Variants in FBXO4 observed in about 807,000 individuals in gnomAD.
FBXO4 encodes F-box only protein 4.
A neutral mutation model predicts 43.7 loss-of-function variants in FBXO4; 36 were observed. The ratio of observed to expected loss-of-function variants is 0.82; its 90% CI spans 0.63 to 1.09. The LOEUF (loss-of-function observed/expected upper bound fraction) is 1.09, where lower values mean the gene tolerates loss of function less well. Ranked by LOEUF, FBXO4 falls within the 50% of genes least tolerant of loss-of-function variation. The pLI is 0.00. For synonymous variants in FBXO4, 180 were observed against 165.6 expected (o/e 1.09, Z -0.67); for missense variants, 435 against 474.1 (o/e 0.92, Z 0.77).
chr5:42,009,580 A>G, the FBXO4 span, among the ~76,000 whole-genome samples: 11 of 152,160 alleles, frequency 7.2e-5, no homozygotes, highest in African/African-American at 2.7e-4. Context: ...ATGATTTTTT[A>G]ATTTTCTGAC....
At chr5:41,978,639 G>A in the FBXO4 span, among the ~76,000 whole-genome samples, 3 of 151,974 alleles carry the variant, frequency 2.0e-5, no homozygotes, top group Admixed American at 2.0e-4. Context: ...GTTTTAGATG[G>A]TGTTGGCTTT....
At chr5:42,015,158 C>T in the FBXO4 span, among the ~76,000 whole-genome samples, 2 of 152,268 alleles carry the variant, frequency 1.3e-5, no homozygotes, top group African/African-American at 4.8e-5. Context: ...TTAATTATTG[C>T]TATGCACAAC....
chr5:41,967,384 T>C, the FBXO4 span: 1 of 510,188 alleles, frequency 2.0e-6, no homozygotes, highest in East Asian at 4.6e-5. Flanking sequence ...TCAATGCTAT[T>C]GCTTCTCCCT....
chr5:41,940,844 C>T (rs1751987205), intron 6 of FBXO4, among the ~76,000 whole-genome samples: 1 of 152,174 alleles, frequency 6.6e-6, no homozygotes, highest in Non-Finnish European at 1.5e-5. Flanking sequence ...CAGGATGTCA[C>T]ACATATGACT....
At chr5:42,024,271 A>T in the FBXO4 span, among the ~76,000 whole-genome samples, 3 of 152,112 alleles carry the variant, frequency 2.0e-5, no homozygotes, top group African/African-American at 7.2e-5. Context: ...CAAGACAAAG[A>T]ATATGTACTA....
chr5:41,952,121 G>T, the FBXO4 span: 1 of 177,172 alleles, frequency 5.6e-6, no homozygotes, highest in South Asian at 1.4e-4. Context: ...CACCTGAGTG[G>T]GTTCAAACTA....
At chr5:41,955,971 T>A in the FBXO4 span, among the ~76,000 whole-genome samples, 8 of 152,162 alleles carry the variant, frequency 5.3e-5, no homozygotes, top group African/African-American at 1.9e-4. Context: ...CAGAATGGAT[T>A]AAAGTTTTTC....
At chr5:41,982,907 C>T in the FBXO4 span, among the ~76,000 whole-genome samples, 2 of 151,986 alleles carry the variant, frequency 1.3e-5, no homozygotes, top group South Asian at 2.1e-4. Context: ...TGTGATGTTC[C>T]CCTCTCTGTG....
At chr5:42,022,938 A>C in the FBXO4 span, among the ~76,000 whole-genome samples, 1 of 152,136 alleles carries the variant, frequency 6.6e-6, no homozygotes, top group South Asian at 2.1e-4. Context: ...TGAATAGATA[A>C]TTTGAACAAA....
chr5:41,986,532 A>G, the FBXO4 span, among the ~76,000 whole-genome samples: 1 of 152,298 alleles, frequency 6.6e-6, no homozygotes, highest in Admixed American at 6.5e-5. Context: ...AATTTCAATG[A>G]GGTTTAGGAC....
intron 2 of FBXO4, among the ~76,000 whole-genome samples, chr5:41,928,063 T>G (rs1751561778): frequency 6.6e-6 from 1 of 152,226 alleles, no homozygotes; most frequent in Non-Finnish European, 1.5e-5. Flanking sequence ...TTTTGAGTTA[T>G]TCAGAGCCTT....
At chr5:41,975,728 T>G in the FBXO4 span, among the ~76,000 whole-genome samples, 6 of 152,308 alleles carry the variant, frequency 3.9e-5, no homozygotes, top group African/African-American at 1.4e-4. Flanking sequence ...AAGTATATAG[T>G]TTAGTAGTGT....
the FBXO4 span, among the ~76,000 whole-genome samples, chr5:41,995,278 C>A: frequency 2.0e-5 from 3 of 152,312 alleles, no homozygotes; most frequent in East Asian, 5.8e-4. Flanking sequence ...GCATTGAATG[C>A]AGGATAGGCA....
At chr5:41,938,735 G>A (rs887644921) in intron 5 of FBXO4, among the ~76,000 whole-genome samples, 1 of 152,134 alleles carries the variant, frequency 6.6e-6, no homozygotes, top group African/African-American at 2.4e-5. Flanking sequence ...GATCATTCAA[G>A]TTATTAGCTG....
At chr5:41,992,891 T>G in the FBXO4 span, among the ~76,000 whole-genome samples, 1 of 152,238 alleles carries the variant, frequency 6.6e-6, no homozygotes, top group Non-Finnish European at 1.5e-5. Context: ...TCTATTAGCT[T>G]CTAAATGTTT....
At chr5:41,996,513 T>C in the FBXO4 span, among the ~76,000 whole-genome samples, 47 of 152,178 alleles carry the variant, frequency 3.1e-4, no homozygotes, top group African/African-American at 1.1e-3. Context: ...TCAAGCACCA[T>C]TGGATCTGCT....
At chr5:42,028,470 A>T in the FBXO4 span, among the ~76,000 whole-genome samples, 1 of 151,348 alleles carries the variant, frequency 6.6e-6, no homozygotes, top group African/African-American at 2.4e-5. Context: ...TTCTTTTTTC[A>T]TCCATTCAGC....
chr5:42,001,087 G>T, the FBXO4 span, among the ~76,000 whole-genome samples: 1 of 152,180 alleles, frequency 6.6e-6, no homozygotes, highest in East Asian at 1.9e-4. Flanking sequence ...TTGGTTTTAG[G>T]ATTATTTTTG....
the FBXO4 span, among the ~76,000 whole-genome samples, chr5:42,002,656 C>T: frequency 6.6e-6 from 1 of 152,106 alleles, no homozygotes; most frequent in Admixed American, 6.6e-5. Flanking sequence ...CTTTTTGCTG[C>T]TCTGTATCTA....
Sources: allele counts gnomAD v4.1 joint callset (sites outside exome capture counted in the v4.1 genomes callset), GRCh38; gene constraint gnomAD v4.1.1; transcripts MANE v1.5; gene names NCBI Gene and HGNC (gene_info 2026-07-23, HGNC 2026-07-21).